CHRM3: variants seen among roughly 807,000 people sequenced by gnomAD.
CHRM3 encodes cholinergic receptor muscarinic 3.
A neutral mutation model predicts 41.8 loss-of-function variants in CHRM3; 11 were observed. The ratio of observed to expected loss-of-function variants is 0.26; its 90% CI spans 0.17 to 0.44. The LOEUF (loss-of-function observed/expected upper bound fraction) is 0.44, where lower values mean the gene tolerates loss of function less well. CHRM3 is among the 20% of genes least tolerant of loss of function. The pLI, the probability that CHRM3 is intolerant of heterozygous loss-of-function variation, is 1.00. For synonymous variants in CHRM3, 297 were observed against 301.4 expected (o/e 0.99, Z 0.15); for missense variants, 571 against 745.4 (o/e 0.77, Z 2.72).
chr1:239,640,587 T>C (rs1671016533), intron 4 of CHRM3, among the ~76,000 whole-genome samples: 1 of 152,002 alleles, frequency 6.6e-6, no homozygotes, highest in African/African-American at 2.4e-5. Flanking sequence ...TGGTAGTTTG[T>C]ATTTCTGTGG....
At chr1:239,533,461 G>T (rs1369008242) in intron 2 of CHRM3, among the ~76,000 whole-genome samples, 1 of 151,938 alleles carries the variant, frequency 6.6e-6, no homozygotes, top group Non-Finnish European at 1.5e-5. Flanking sequence ...TATAGGCTGG[G>T]TGCAGTGGCT....
chr1:239,900,707 T>C (rs1301572851), intron 6 of CHRM3, among the ~76,000 whole-genome samples: 1 of 152,078 alleles, frequency 6.6e-6, no homozygotes, highest in Non-Finnish European at 1.5e-5. Context: ...GTGCTGAATA[T>C]TCCCTTGGAG....
chr1:239,403,314 A>G (rs975491365), intron 1 of CHRM3, among the ~76,000 whole-genome samples: 1 of 152,224 alleles, frequency 6.6e-6, no homozygotes, highest in Non-Finnish European at 1.5e-5. Context: ...TTGGCACATA[A>G]TAGACTTTCA....
chr1:239,777,292 T>G (rs1307771649), intron 5 of CHRM3, among the ~76,000 whole-genome samples: 1 of 152,178 alleles, frequency 6.6e-6, no homozygotes, highest in Non-Finnish European at 1.5e-5. Context: ...GGCAAAACAC[T>G]GCTGTAGGTT....
intron 2 of CHRM3, among the ~76,000 whole-genome samples, chr1:239,496,158 G>A (rs982163846): frequency 3.3e-5 from 5 of 151,932 alleles, no homozygotes; most frequent in African/African-American, 1.2e-4. Context: ...ACATATAGAT[G>A]CAGAAATGAT....
In CHRM3 at chr1:239,648,712, A is replaced by G. The variant is rs1671967648; in HGVS notation, c.-250+16426A>G. On this transcript the variant is annotated intron_variant, in intron 4 of 6. Transcript: ENST00000676153. ...TTGTTCACAGTGGATGAGCATGGAA[A>G]GAACTGAGGCAGTGGAAGGGACTGT... Among the ~76,000 whole-genome samples, 5 of 152,342 alleles carry G rather than the reference A, an allele frequency of 3.3e-5. No homozygotes were observed. In the South Asian group the frequency reaches 1.0e-3, roughly 32 times the overall value.
chr1:239,898,026 T>A (rs977418345), intron 6 of CHRM3: 1 of 152,210 alleles, frequency 6.6e-6, no homozygotes, highest in Non-Finnish European at 1.5e-5. Flanking sequence ...TTCCCCTTTT[T>A]AAATAGAATT....
At chr1:239,548,770 G>A (rs1659528866) in intron 3 of CHRM3, among the ~76,000 whole-genome samples, 1 of 152,198 alleles carries the variant, frequency 6.6e-6, no homozygotes, top group African/African-American at 2.4e-5. Flanking sequence ...AGGGCCTGCA[G>A]CATGCCATAC....
chr1:239,654,264 C>T (rs1356457572), intron 4 of CHRM3, among the ~76,000 whole-genome samples: 6 of 152,164 alleles, frequency 3.9e-5, no homozygotes, highest in Non-Finnish European at 8.8e-5. Context: ...CCACTGTACC[C>T]AGCCAAGAAG....
intron 5 of CHRM3, among the ~76,000 whole-genome samples, chr1:239,765,311 G>T (rs1197186573): frequency 1.3e-5 from 2 of 152,164 alleles, no homozygotes; most frequent in Non-Finnish European, 2.9e-5. Flanking sequence ...CATAGCAAAC[G>T]CTGGGGTCCT....
At chr1:239,600,732 C>T (rs542830851) in intron 3 of CHRM3, among the ~76,000 whole-genome samples, 5 of 150,996 alleles carry the variant, frequency 3.3e-5, no homozygotes, top group Admixed American at 1.3e-4. Context: ...TTCTTCCCTC[C>T]CTCCTTCCCT....
chr1:239,708,736 C>CTTTTTTTTTTTTTTTTTTTTTTTT lies in CHRM3; in HGVS notation c.-147+30452_-147+30475dup, dbSNP rs869143310. On this transcript the variant is annotated intron_variant, in intron 5 of 6. Transcript: ENST00000676153. ...CTTTGTTTCTTCTGGTTTAAATTTT[C>CTTTTTTTTTTTTTTTTTTTTTTTT]TTTTTTTTTTTTTTTTTTTTTTTTT... Among the ~76,000 whole-genome samples the CTTTTTTTTTTTTTTTTTTTTTTTT allele has an allele frequency of 1.2e-4, 6 of 48,296 alleles. 2 individuals carry two copies. The highest frequency in any genetic ancestry group is 1.8e-4 in the Non-Finnish European group (5 of 28,518). The allele number at this position is 48,296 out of a possible 152,430, so 31.7% of individuals were successfully genotyped here. A position where few individuals can be genotyped will look rare whatever the true frequency, so the allele number is the denominator to read the frequency against.
intron 1 of CHRM3, among the ~76,000 whole-genome samples, chr1:239,472,838 T>A (rs963380394): frequency 2.0e-5 from 3 of 152,150 alleles, no homozygotes; most frequent in African/African-American, 7.2e-5. Context: ...CATGTTTATC[T>A]TTGTAACAGA....
At chr1:239,545,058 T>C (rs1487905517) in intron 2 of CHRM3, among the ~76,000 whole-genome samples, 1 of 152,090 alleles carries the variant, frequency 6.6e-6, no homozygotes, top group Non-Finnish European at 1.5e-5. Flanking sequence ...AAGGTAATGA[T>C]CAAAACATAG....
chr1:239,705,705 G>GA (rs1253724953), intron 5 of CHRM3: 2 of 152,050 alleles, frequency 1.3e-5, no homozygotes, highest in Admixed American at 6.6e-5. Context: ...TATAGGGAAG[G>GA]AAAAATTAAC....
At chr1:239,643,436 C>T (rs184368481) in intron 4 of CHRM3, among the ~76,000 whole-genome samples, 6,477 of 152,232 alleles carry the variant, frequency 0.043, 281 homozygotes, top group African/African-American at 0.11. Flanking sequence ...TCGAGCTTCC[C>T]AGCTGCTTTG....
Position 239,657,963 on chromosome 1 carries a change from A to G in CHRM3, c.-249-20223A>G, listed in dbSNP as rs528036654. On this transcript the variant is annotated intron_variant, in intron 4 of 6. Coordinates refer to ENST00000676153, the MANE Select transcript of CHRM3 (RefSeq NM_001375978.1). The stretch of plus-strand genomic sequence containing the variant: ...AGCTACATTGTTGTAGGATTTCTGA[A>G]AAAAAAAGTGAGAACAATGGAATAT... Among the ~76,000 whole-genome samples, 69 of 152,196 alleles carry G rather than the reference A, an allele frequency of 4.5e-4. No homozygotes were observed. The South Asian group carries it at 0.01, about 22-fold the overall frequency.
chr1:239,908,027 T>C lies in CHRM3; in HGVS notation c.576T>C (p.Ala192=), dbSNP rs760175743. The change falls in exon 7 of 7, where the codon GCT becomes GCC. Residue 192 remains alanine (A), a synonymous_variant. Coordinates refer to ENST00000676153, the MANE Select transcript of CHRM3 (RefSeq NM_001375978.1). The surrounding 1 kb of genome is among the most constrained non-coding windows in gnomAD (Gnocchi z 7.2). ...TKRAGVMIGL[A]WVISFVLWAP... ...GAGCCGGTGTGATGATCGGTCTGGCTTGGGTCATCTCCTTTGTCCTTTGGG... is the reference window on the plus strand; with the variant it reads ...GAGCCGGTGTGATGATCGGTCTGGCCTGGGTCATCTCCTTTGTCCTTTGGG... 2.5e-6 allele frequency: 4 copies of C among 1,614,088 alleles called. No individual in the cohort carries two copies. The highest frequency in any genetic ancestry group is 3.4e-6 in the Non-Finnish European group (4 of 1,180,040).
At chr1:239,713,580 A>C (rs1187529816) in intron 5 of CHRM3, among the ~76,000 whole-genome samples, 1 of 152,190 alleles carries the variant, frequency 6.6e-6, no homozygotes, top group Non-Finnish European at 1.5e-5. Flanking sequence ...ACAAACACCA[A>C]CATCACATTG....
Sources: allele counts gnomAD v4.1 joint callset (sites outside exome capture counted in the v4.1 genomes callset), GRCh38; gene constraint gnomAD v4.1.1; non-coding constraint Gnocchi (gnomAD v3.1); transcripts MANE v1.5; gene names NCBI Gene and HGNC (gene_info 2026-07-23, HGNC 2026-07-21).